The following CEP350 variants were observed in gnomAD, a reference collection of about 807,000 sequenced individuals.
CEP350 encodes the protein centrosomal protein 350.
Under a neutral mutation model 331.8 loss-of-function variants are expected in CEP350, and 126 were observed. The observed-to-expected ratio is 0.38, with a 90% CI of 0.33 to 0.44. The LOEUF is 0.44. Ranked by LOEUF, CEP350 falls within the 20% of genes least tolerant of loss-of-function variation. CEP350 has a pLI of 1.00. For missense variants in CEP350, 3,406 were observed against 3,634.6 expected (o/e 0.94, Z 1.62); for synonymous variants, 1,200 against 1,259.5 (o/e 0.95, Z 1.00).
chr1:179,988,908 T>A (rs1652843552), intron 3 of CEP350, among the ~76,000 whole-genome samples: 2 of 152,132 alleles, frequency 1.3e-5, no homozygotes, highest in Non-Finnish European at 2.9e-5. Flanking sequence ...ATATATTCTC[T>A]TTCTTCTACC....
chr1:180,055,602 C>A (rs904932819), intron 25 of CEP350, among the ~76,000 whole-genome samples: 1 of 124,548 alleles, frequency 8.0e-6, no homozygotes, highest in African/African-American at 3.0e-5. Flanking sequence ...CCAGGCTGGA[C>A]TGCAGTGGCG....
chr1:180,095,979 G>A (rs370627129), intron 35 of CEP350, 49 bp downstream of exon 35: 11 of 1,563,716 alleles, frequency 7.0e-6, no homozygotes, highest in Non-Finnish European at 9.5e-6. Context: ...TTCTCCCATT[G>A]TCTGAAATTT....
chr1:179,988,482 T>A (rs1652809675), intron 3 of CEP350, among the ~76,000 whole-genome samples: 1 of 152,144 alleles, frequency 6.6e-6, no homozygotes, highest in Non-Finnish European at 1.5e-5. Flanking sequence ...GGACTTCCAG[T>A]ACTATGTTGA....
intron 8 of CEP350, among the ~76,000 whole-genome samples, chr1:180,007,344 A>G (rs1654327791): frequency 6.6e-6 from 1 of 151,952 alleles, no homozygotes; most frequent in African/African-American, 2.4e-5. Flanking sequence ...TTTGATTTGC[A>G]TTTCTCTAAT....
intron 25 of CEP350, among the ~76,000 whole-genome samples, chr1:180,060,628 C>T (rs1380279361): frequency 6.6e-6 from 1 of 152,132 alleles, no homozygotes; most frequent in African/African-American, 2.4e-5. Flanking sequence ...GCCTGGGCAA[C>T]AGAGCAAGAC....
intron 37 of CEP350, among the ~76,000 whole-genome samples, chr1:180,103,276 CTA>C (rs1478085692): frequency 6.6e-6 from 1 of 152,160 alleles, no homozygotes; most frequent in African/African-American, 2.4e-5. Context: ...TTGAACAGGC[CTA>C]TTCCACAGGT....
At chr1:180,037,702 T>G (rs1656461285) in intron 17 of CEP350, among the ~76,000 whole-genome samples, 1 of 152,128 alleles carries the variant, frequency 6.6e-6, no homozygotes, top group African/African-American at 2.4e-5. Flanking sequence ...CAGGCTGGAG[T>G]GCAGTGGCAC....
chr1:180,065,112 C>G lies in CEP350; in HGVS notation c.5410-3C>G. The G allele has an allele frequency of 6.3e-7, 1 of 1,582,768 alleles. No homozygotes were observed. The highest frequency in any genetic ancestry group is 8.5e-7 in the Non-Finnish European group (1 of 1,169,676). On this transcript the variant is annotated splice_region_variant and splice_polypyrimidine_tract_variant and intron_variant, in intron 26 of 37. Coordinates refer to ENST00000367607, the MANE Select transcript of CEP350 (RefSeq NM_014810.5). ...ATACAATTTTGCCTCTTTTTGTTTG[C>G]AGGACTCTCATAGTGATGATGATAC...
rs565929080 is a variant in CEP350 at position 180,105,794 on chromosome 1, T to G, written c.9190-5203T>G. ...CATGATAAACTATCTTACTAAACAT[T>G]TCATAATAAACAGTTGCTTCTTCCA... On this transcript the variant is annotated intron_variant, in intron 37 of 37. Coordinates refer to ENST00000367607, the MANE Select transcript of CEP350 (RefSeq NM_014810.5). Among the ~76,000 whole-genome samples the G allele has an allele frequency of 1.1e-4, 16 of 152,324 alleles. No individual in the cohort carries two copies. The South Asian group carries it at 3.3e-3, about 32-fold the overall frequency.
At chr1:179,976,861 A>G (rs554741092) in intron 1 of CEP350, among the ~76,000 whole-genome samples, 5 of 152,098 alleles carry the variant, frequency 3.3e-5, no homozygotes, top group African/African-American at 1.2e-4. Flanking sequence ...AAATAAAGGG[A>G]AATTTGTTCT....
intron 1 of CEP350, among the ~76,000 whole-genome samples, chr1:179,984,827 C>T (rs73032364): frequency 6.6e-6 from 1 of 151,972 alleles, no homozygotes; most frequent in East Asian, 1.9e-4. Context: ...AGTTTTTATT[C>T]TTATATTTTT....
At chr1:179,990,941 G>C (rs935768476) in intron 4 of CEP350, among the ~76,000 whole-genome samples, 1 of 152,146 alleles carries the variant, frequency 6.6e-6, no homozygotes, top group Non-Finnish European at 1.5e-5. Context: ...TTTTGTCAGA[G>C]ACACTGGCAT....
intron 25 of CEP350, among the ~76,000 whole-genome samples, chr1:180,061,415 A>C (rs73036405): frequency 0.015 from 2,296 of 152,210 alleles, 55 homozygotes; most frequent in African/African-American, 0.052. Flanking sequence ...TAGGCTAGTC[A>C]ACTCCTGGGC....
intron 1 of CEP350, among the ~76,000 whole-genome samples, chr1:179,959,413 C>T (rs1650420131): frequency 6.6e-6 from 1 of 152,122 alleles, no homozygotes; most frequent in Non-Finnish European, 1.5e-5. Flanking sequence ...AAGACTGCCA[C>T]TGCACTCCAG....
intron 6 of CEP350, among the ~76,000 whole-genome samples, chr1:179,998,378 G>T (rs184963501): frequency 2.0e-3 from 288 of 146,316 alleles, no homozygotes; most frequent in Non-Finnish European, 2.9e-3. Flanking sequence ...GCATGATCTC[G>T]GCCCACTGCA....
intron 13 of CEP350, 142 bp downstream of exon 13, chr1:180,022,990 TGG>T: frequency 2.6e-5 from 18 of 699,086 alleles, no homozygotes; most frequent in Non-Finnish European, 3.4e-5. Flanking sequence ...ATCCAGAGCA[TGG>T]GCTCTGGATC....
At chr1:179,968,349 A>T (rs1651179975) in intron 1 of CEP350, among the ~76,000 whole-genome samples, 1 of 150,136 alleles carries the variant, frequency 6.7e-6, no homozygotes, top group South Asian at 2.1e-4. Flanking sequence ...AAAAAAAAAA[A>T]GAGGAATAAA....
intron 27 of CEP350, chr1:180,073,934 C>G: frequency 2.3e-6 from 3 of 1,303,430 alleles, no homozygotes; most frequent in Non-Finnish European, 3.0e-6. Flanking sequence ...TTTCAGTGCA[C>G]TCTTTGATAG....
Position 180,084,169 on chromosome 1 carries a change from G to A in CEP350, c.6276G>A (p.Lys2092=). 1 of 1,587,568 alleles carries A rather than the reference G, an allele frequency of 6.3e-7. No homozygotes were observed. The highest frequency in any genetic ancestry group is 1.8e-5 in the Admixed American group (1 of 55,690). Reference sequence around the variant, plus strand: ...AAGCCCAAGAAGCCAGTCTGATCAAGCAGTTAGAGGTTAGACATAGGAAGA... The same window carrying A: ...AAGCCCAAGAAGCCAGTCTGATCAAACAGTTAGAGGTTAGACATAGGAAGA... ...RLKAQEASLI[K]QLESYDEFIK... The change falls in exon 31 of 38, where the codon AAG becomes AAA. Residue 2092 remains lysine (K), a synonymous_variant. Coordinates refer to ENST00000367607, the MANE Select transcript of CEP350 (RefSeq NM_014810.5).
Sources: allele counts gnomAD v4.1 joint callset (sites outside exome capture counted in the v4.1 genomes callset), GRCh38; gene constraint gnomAD v4.1.1; transcripts MANE v1.5; gene names NCBI Gene and HGNC (gene_info 2026-07-23, HGNC 2026-07-21).